Variants in ACACB observed in about 807,000 individuals in gnomAD.
ACACB encodes acetyl-CoA carboxylase beta, also known as acetyl-CoA carboxylase 2.
ACACB carries 209 observed loss-of-function variants against 278.8 expected under a neutral mutation model. The ratio of observed to expected loss-of-function variants is 0.75; its 90% CI spans 0.67 to 0.84. The LOEUF (loss-of-function observed/expected upper bound fraction) is 0.84. ACACB is among the 40% of genes least tolerant of loss of function. ACACB has a pLI of 0.00. For missense variants in ACACB, 2,850 were observed against 3,269.0 expected, an observed-to-expected ratio of 0.87 and a Z score of 3.13; for synonymous variants, 1,174 against 1,285.6, an observed-to-expected ratio of 0.91 and a Z score of 1.86.
intron 45 of ACACB, 150 bp downstream of exon 45, chr12:109,256,386 A>G: frequency 1.6e-6 from 1 of 628,252 alleles, no homozygotes; most frequent in South Asian, 1.9e-5. Flanking sequence ...TGATTTCTGC[A>G]GTGTCTGTGT....
chr12:109,179,545 G>C (rs1374771171), intron 10 of ACACB, among the ~76,000 whole-genome samples: 2 of 152,148 alleles, frequency 1.3e-5, no homozygotes, highest in African/African-American at 4.8e-5. Flanking sequence ...GGAGTGCAGT[G>C]GTGCGATGAT....
chr12:109,259,111 A>G lies in ACACB; in HGVS notation c.6496+3A>G. ...GGGGTTCTCCGGTGGCATGAAAGGT[A>G]AGCCCCTCCCTGCCTATGTTACCCC... On this transcript the variant is annotated splice_donor_region_variant and intron_variant, in intron 47 of 52. Coordinates refer to ENST00000338432, the MANE Select transcript of ACACB (RefSeq NM_001093.4). 1.2e-6 allele frequency: 2 copies of G among 1,613,786 alleles called. No homozygotes were observed. Among genetic ancestry groups the G allele is most frequent in the Non-Finnish European group, 1.7e-6 (2 of 1,179,880 alleles).
chr12:109,164,532 C>G (rs901545555), intron 2 of ACACB, among the ~76,000 whole-genome samples: 7 of 151,890 alleles, frequency 4.6e-5, no homozygotes, highest in African/African-American at 1.7e-4. Context: ...ATGCCTGGCC[C>G]TTCCTAGCAT....
At chr12:109,152,159 TTTTGC>T (rs1267855355) in intron 2 of ACACB, among the ~76,000 whole-genome samples, 1 of 152,162 alleles carries the variant, frequency 6.6e-6, no homozygotes, top group Admixed American at 6.6e-5. Context: ...GTGTTGGGGT[TTTTGC>T]AATAGAGAAT....
intron 22 of ACACB, among the ~76,000 whole-genome samples, chr12:109,213,739 G>A (rs765421520): frequency 4.0e-5 from 6 of 151,848 alleles, no homozygotes; most frequent in Non-Finnish European, 7.4e-5. Context: ...CTGGAACTAC[G>A]GGCGCCCAAC....
intron 41 of ACACB, among the ~76,000 whole-genome samples, chr12:109,251,396 T>C (rs1304959723): frequency 6.6e-6 from 1 of 152,248 alleles, no homozygotes; most frequent in African/African-American, 2.4e-5. Flanking sequence ...AATGATAAAC[T>C]GCCTTGGAAG....
At position 109,259,083 on chromosome 12, in the gene ACACB, G is replaced by A. The variant is rs1455612943; in HGVS notation, c.6471G>A (p.Trp2157Ter). Residue 2157 changes from tryptophan (W) to a stop codon, truncating the protein, a stop_gained, in exon 47 of 53, where the codon TGG (tryptophan) becomes TGA (stop). Transcript: ENST00000338432. LOFTEE classifies it high-confidence loss of function. ...EKLPLMIFAN[W>*]RGFSGGMKDM... Reference sequence around the variant, plus strand: ...TGCCCCTGATGATCTTTGCCAACTGGAGGGGGTTCTCCGGTGGCATGAAAG... The same window carrying A: ...TGCCCCTGATGATCTTTGCCAACTGAAGGGGGTTCTCCGGTGGCATGAAAG... The A allele has an allele frequency of 1.2e-6, 2 of 1,613,992 alleles. No homozygotes were observed. The highest frequency in any genetic ancestry group is 2.2e-5 in the East Asian group (1 of 44,886).
At chr12:109,224,040 A>C in intron 27 of ACACB, 136 bp downstream of exon 27, 1 of 776,978 alleles carries the variant, frequency 1.3e-6, no homozygotes, top group South Asian at 1.5e-5. Flanking sequence ...TAGCTATGTT[A>C]ATAGTCCCAT....
chr12:109,221,939 G>A (rs952305351), intron 24 of ACACB, among the ~76,000 whole-genome samples: 5 of 150,402 alleles, frequency 3.3e-5, no homozygotes, highest in African/African-American at 1.2e-4. Context: ...CTGGAGTACA[G>A]TGGTGCGATC....
At position 109,236,697 on chromosome 12, in the gene ACACB, A is replaced by G. The variant is rs1229492286; in HGVS notation, c.4447-468A>G. On this transcript the variant is annotated intron_variant, in intron 33 of 52. Coordinates refer to ENST00000338432, the MANE Select transcript of ACACB (RefSeq NM_001093.4). ...CAGCATTTTGCATTTTAATTTATCC[A>G]AAGCTTTATTTTTCTAGCTAAGACA... Among the ~76,000 whole-genome samples, 8 of 152,110 alleles carry G rather than the reference A, an allele frequency of 5.3e-5. No homozygotes were observed. The East Asian group carries it at 1.5e-3, about 29-fold the overall frequency.
At chr12:109,262,315 C>A (rs766911245) in intron 48 of ACACB, 42 bp from the exon 49 acceptor site, 7 of 1,520,490 alleles carry the variant, frequency 4.6e-6, no homozygotes, top group Middle Eastern at 2.0e-4. Flanking sequence ...GCTTGCTGGG[C>A]AATGCCTCAT....
upstream of ACACB, among the ~76,000 whole-genome samples, chr12:109,112,688 C>CA (rs57131257): frequency 0.017 from 1,702 of 102,936 alleles, 21 homozygotes; most frequent in East Asian, 0.028. Context: ...AACTCCGTCT[C>CA]AAAAAAAAAA....
chr12:109,193,566 C>A, intron 15 of ACACB, 82 bp from the exon 16 acceptor site: 1 of 1,169,066 alleles, frequency 8.6e-7, no homozygotes, highest in Non-Finnish European at 1.3e-6. Flanking sequence ...CAGAGAGTTG[C>A]GTAATTTTTT....
chr12:109,196,274 A>G (rs1186846034), intron 16 of ACACB, among the ~76,000 whole-genome samples: 4 of 152,176 alleles, frequency 2.6e-5, no homozygotes, highest in Non-Finnish European at 5.9e-5. Flanking sequence ...GCCCTAGTCC[A>G]TGTCCAGGTG....
chr12:109,131,729 G>A (rs1164742095), intron 1 of ACACB, among the ~76,000 whole-genome samples: 2 of 152,160 alleles, frequency 1.3e-5, no homozygotes, highest in Non-Finnish European at 2.9e-5. Context: ...AGGTTTGCAA[G>A]ACATAAAAAT....
Position 109,222,592 on chromosome 12 carries a change from A to G in ACACB, c.3650A>G (p.His1217Arg). The change falls in exon 25 of 53, where the codon CAC (histidine) becomes CGC (arginine). Residue 1217 changes from histidine to arginine, a missense_variant. By Grantham distance (29) the His-to-Arg change is conservative. Coordinates refer to ENST00000338432, the MANE Select transcript of ACACB (RefSeq NM_001093.4). The part of the protein sequence containing the change: ...NELTQLSKSE[H>R]CKVALRARQI... ...CTCACTCAGCTGAGCAAAAGCGAGC[A>G]CTGCAAAGTGGCCCTCAGAGCCCGG... 3.1e-6 allele frequency: 5 copies of G among 1,614,150 alleles called. No individual in the cohort carries two copies. The highest frequency in any genetic ancestry group is 4.2e-6 in the Non-Finnish European group (5 of 1,180,022).
At chr12:109,201,438 C>G in intron 18 of ACACB, 129 bp from the exon 19 acceptor site, 2 of 1,124,322 alleles carry the variant, frequency 1.8e-6, no homozygotes, top group South Asian at 3.1e-5. Flanking sequence ...TGAACACTAC[C>G]CAGGGAGTCA....
intron 11 of ACACB, 108 bp from the exon 12 acceptor site, chr12:109,185,471 A>G: frequency 2.5e-6 from 3 of 1,202,930 alleles, no homozygotes; most frequent in Non-Finnish European, 3.6e-6. Flanking sequence ...GTGTCTGTAT[A>G]TCCTAAATCA....
At chr12:109,262,589 A>C in intron 49 of ACACB, 120 bp downstream of exon 49, 1 of 596,958 alleles carries the variant, frequency 1.7e-6, no homozygotes. Context: ...AGCTATAATA[A>C]CTGTGAGATT....
Sources: allele counts gnomAD v4.1 joint callset (sites outside exome capture counted in the v4.1 genomes callset), GRCh38; gene constraint gnomAD v4.1.1; transcripts MANE v1.5; gene names NCBI Gene and HGNC (gene_info 2026-07-23, HGNC 2026-07-21).